The following PIBF1 variants were observed in gnomAD, a reference collection of about 807,000 sequenced individuals.
The protein encoded by PIBF1 is progesterone-induced-blocking factor 1.
In PIBF1, 90 loss-of-function variants were observed where a neutral mutation model predicts 112.5. The observed-to-expected ratio is 0.80, with a 90% confidence interval of 0.67 to 0.95. The LOEUF (loss-of-function observed/expected upper bound fraction) is 0.95. Ranked by LOEUF, PIBF1 falls within the 40% of genes least tolerant of loss-of-function variation. PIBF1 has a pLI of 0.00. For missense variants in PIBF1, 915 were observed against 852.3 expected, an observed-to-expected ratio of 1.07 and a Z score of -0.92; for synonymous variants, 301 against 288.6, an observed-to-expected ratio of 1.04 and a Z score of -0.44.
intron 11 of PIBF1, 36 bp from the exon 12 acceptor site, chr13:72,908,495 A>G: frequency 6.7e-7 from 1 of 1,493,710 alleles, no homozygotes; most frequent in Non-Finnish European, 9.1e-7. Flanking sequence ...GCACCTGTTT[A>G]ATTCTGCCTT....
chr13:72,986,234 A>G (rs1003411651), intron 16 of PIBF1, among the ~76,000 whole-genome samples: 1 of 152,196 alleles, frequency 6.6e-6, no homozygotes, highest in Non-Finnish European at 1.5e-5. Flanking sequence ...CAGCAGCCAG[A>G]TGACTACTGT....
At chr13:72,825,949 G>A (rs1443506061) in intron 6 of PIBF1, among the ~76,000 whole-genome samples, 1 of 149,696 alleles carries the variant, frequency 6.7e-6, no homozygotes. Flanking sequence ...TGCACCTGTA[G>A]TCCTAACTCT....
chr13:72,980,288 A>G (rs1039859720), intron 16 of PIBF1, among the ~76,000 whole-genome samples: 12 of 152,178 alleles, frequency 7.9e-5, no homozygotes, highest in African/African-American at 2.9e-4. Context: ...CAGAATCTTA[A>G]TGAGTACCAG....
intron 11 of PIBF1, among the ~76,000 whole-genome samples, chr13:72,906,760 A>T (rs1318436476): frequency 6.6e-6 from 1 of 152,112 alleles, no homozygotes; most frequent in East Asian, 1.9e-4. Context: ...CAACATTTTG[A>T]TTCCTTATCT....
intron 5 of PIBF1, among the ~76,000 whole-genome samples, chr13:72,801,914 G>A (rs543639317): frequency 5.6e-4 from 85 of 152,240 alleles, no homozygotes; most frequent in African/African-American, 2.0e-3. Flanking sequence ...TACCATTTTG[G>A]AGAGACCATT....
intron 9 of PIBF1, among the ~76,000 whole-genome samples, chr13:72,844,875 G>C (rs978317979): frequency 1.4e-5 from 2 of 146,584 alleles, no homozygotes; most frequent in Admixed American, 6.8e-5. Context: ...GCCGACCTCA[G>C]CCTCCCAAAG....
chr13:72,976,202 A>G (rs2138951686), intron 16 of PIBF1, among the ~76,000 whole-genome samples: 1 of 152,284 alleles, frequency 6.6e-6, no homozygotes, highest in Middle Eastern at 3.4e-3. Flanking sequence ...GTTTGAGACT[A>G]TAGTGCACTC....
chr13:72,817,904 A>G (rs2036358392), intron 5 of PIBF1, among the ~76,000 whole-genome samples: 1 of 152,166 alleles, frequency 6.6e-6, no homozygotes, highest in African/African-American at 2.4e-5. Flanking sequence ...AGATTTTTAA[A>G]TTCAAAATAC....
chr13:72,906,664 A>T (rs1202315809), intron 11 of PIBF1, among the ~76,000 whole-genome samples: 1 of 152,136 alleles, frequency 6.6e-6, no homozygotes, highest in African/African-American at 2.4e-5. Flanking sequence ...TCTCTTTCAC[A>T]TTATGAAGAT....
At chr13:72,791,849 A>G (rs1012855148) in intron 2 of PIBF1, among the ~76,000 whole-genome samples, 5 of 151,468 alleles carry the variant, frequency 3.3e-5, no homozygotes, top group African/African-American at 9.7e-5. Context: ...GGCCAGGCTT[A>G]TCTTGAACTC....
intron 14 of PIBF1, among the ~76,000 whole-genome samples, chr13:72,957,953 G>T (rs1467352776): frequency 6.6e-6 from 1 of 151,036 alleles, no homozygotes; most frequent in Non-Finnish European, 1.5e-5. Context: ...TCCTATCTCG[G>T]GCAGGGGGGA....
intron 10 of PIBF1, among the ~76,000 whole-genome samples, chr13:72,880,782 C>T (rs1002074007): frequency 3.3e-5 from 5 of 151,972 alleles, no homozygotes; most frequent in African/African-American, 1.2e-4. Context: ...GTTCTAGATC[C>T]CTTATTATAT....
chr13:72,838,763 T>C (rs2037468106), intron 9 of PIBF1, among the ~76,000 whole-genome samples: 2 of 152,202 alleles, frequency 1.3e-5, no homozygotes, highest in African/African-American at 4.8e-5. Flanking sequence ...AGTTTGTCAA[T>C]ACGGACTCAA....
chr13:72,824,325 T>TA (rs1218179800), intron 6 of PIBF1, among the ~76,000 whole-genome samples: 1 of 152,032 alleles, frequency 6.6e-6, no homozygotes, highest in Non-Finnish European at 1.5e-5. Flanking sequence ...CCCACGTTGA[T>TA]ACTTCTAATT....
chr13:72,955,373 TTGTGTGTGTG>T (rs150485983), intron 14 of PIBF1, among the ~76,000 whole-genome samples: 15 of 147,780 alleles, frequency 1.0e-4, no homozygotes, highest in East Asian at 5.9e-4. Context: ...ATGTGTGTGT[TTGTGTGTGTG>T]TGTGTGTGTG....
intron 4 of PIBF1, among the ~76,000 whole-genome samples, chr13:72,795,890 C>T (rs973433617): frequency 2.6e-5 from 4 of 152,024 alleles, no homozygotes; most frequent in South Asian, 4.1e-4. Flanking sequence ...GAGGAGTCAG[C>T]GTGGTTATAA....
At chr13:72,976,074 G>A (rs988483911) in intron 16 of PIBF1, among the ~76,000 whole-genome samples, 7 of 152,276 alleles carry the variant, frequency 4.6e-5, no homozygotes, top group African/African-American at 1.7e-4. Context: ...GTGGTGGATT[G>A]AGAAGAAAAT....
intron 10 of PIBF1, among the ~76,000 whole-genome samples, chr13:72,882,982 T>C (rs1165519338): frequency 6.6e-6 from 1 of 152,152 alleles, no homozygotes; most frequent in Non-Finnish European, 1.5e-5. Flanking sequence ...TTTTAGTTTT[T>C]GTGTATATCC....
intron 14 of PIBF1, among the ~76,000 whole-genome samples, chr13:72,935,010 G>A (rs997383413): frequency 2.0e-5 from 3 of 152,116 alleles, no homozygotes; most frequent in African/African-American, 7.2e-5. Context: ...TATTGAGACA[G>A]AGCCTCACTC....
Sources: gnomAD v4.1 joint callset for allele counts (sites outside exome capture counted in the v4.1 genomes callset) on GRCh38, gnomAD v4.1.1 for gene constraint, MANE v1.5 for transcripts, NCBI Gene and HGNC (gene_info 2026-07-23, HGNC 2026-07-21) for gene names.